The following TBCA variants were observed in gnomAD, a reference collection of about 807,000 sequenced individuals.
TBCA encodes the protein tubulin-specific chaperone A.
Under a neutral mutation model 15.8 loss-of-function variants are expected in TBCA, and 6 were observed. That is an observed-to-expected ratio of 0.38 (90% CI 0.21 to 0.75). The LOEUF is 0.75. TBCA is among the 30% of genes least tolerant of loss of function. The pLI, the probability that TBCA is intolerant of heterozygous loss-of-function variation, is 0.46. For missense variants in TBCA, 90 were observed against 131.2 expected, an observed-to-expected ratio of 0.69 and a Z score of 1.53; for synonymous variants, 32 against 42.3, an observed-to-expected ratio of 0.76 and a Z score of 0.94.
chr5:77,748,485 C>T (rs1580125533), intron 1 of TBCA, among the ~76,000 whole-genome samples: 1 of 148,384 alleles, frequency 6.7e-6, no homozygotes. Flanking sequence ...TTTAGTTTTG[C>T]TTTTTTTTTT....
Position 77,726,536 on chromosome 5 carries a change from T to C in TBCA, c.54-18189A>G, listed in dbSNP as rs555376547. 6.3e-4 allele frequency among the ~76,000 whole-genome samples: 96 copies of C among 152,232 alleles called. No individual in the cohort carries two copies. In the South Asian group the frequency reaches 0.019, roughly 29 times the overall value. The stretch of plus-strand genomic sequence containing the variant: ...AACACCCCAAACTGAAAACCTCTAT[T>C]AAAAAAATACTATTGGATGTATTTA... On this transcript the variant is annotated intron_variant, in intron 1 of 3. Transcript: ENST00000380377.
intron 1 of TBCA, chr5:77,715,218 T>C (rs899983835): frequency 2.9e-6 from 2 of 700,840 alleles, no homozygotes; most frequent in Non-Finnish European, 5.2e-6. Context: ...TGATCTACTA[T>C]GTCACCTGAG....
intron 1 of TBCA, among the ~76,000 whole-genome samples, chr5:77,734,858 T>C (rs915928261): frequency 3.3e-5 from 5 of 152,178 alleles, no homozygotes; most frequent in African/African-American, 9.7e-5. Context: ...ACCCCATCCT[T>C]CAGCAACCAC....
chr5:77,717,667 T>TAAA (rs1011254622), intron 1 of TBCA, among the ~76,000 whole-genome samples: 2 of 151,272 alleles, frequency 1.3e-5, no homozygotes, highest in Admixed American at 1.3e-4. Flanking sequence ...CCGTCTCTAG[T>TAAA]AAAAATATAA....
At chr5:77,759,674 G>T (rs1012464523) in intron 1 of TBCA, among the ~76,000 whole-genome samples, 5 of 152,192 alleles carry the variant, frequency 3.3e-5, no homozygotes, top group African/African-American at 1.2e-4. Flanking sequence ...AATGTGAGGT[G>T]TTTAGGCATC....
intron 2 of TBCA, among the ~76,000 whole-genome samples, chr5:77,701,489 G>A (rs1463424177): frequency 1.3e-5 from 2 of 151,674 alleles, no homozygotes; most frequent in Non-Finnish European, 2.9e-5. Context: ...CATTCGTGTG[G>A]AGATTCCTTA....
chr5:77,762,892 G>T (rs891830675), intron 1 of TBCA, among the ~76,000 whole-genome samples: 1 of 152,162 alleles, frequency 6.6e-6, no homozygotes, highest in African/African-American at 2.4e-5. Flanking sequence ...GTGAGTGTGG[G>T]TCTGGAGCCT....
intron 3 of TBCA, 24 bp from the exon 4 acceptor site, chr5:77,691,522 TAA>T (rs768008773): frequency 2.6e-6 from 4 of 1,561,206 alleles, no homozygotes; most frequent in Non-Finnish European, 3.5e-6. Context: ...CAATAAAAAT[TAA>T]GTTTATCCTT....
At chr5:77,753,771 T>C (rs1302558829) in intron 1 of TBCA, among the ~76,000 whole-genome samples, 1 of 152,170 alleles carries the variant, frequency 6.6e-6, no homozygotes, top group Non-Finnish European at 1.5e-5. Flanking sequence ...CATAATATTT[T>C]TTGTTTGTTT....
chr5:77,702,453 C>T (rs565194169), intron 2 of TBCA, among the ~76,000 whole-genome samples: 11 of 152,230 alleles, frequency 7.2e-5, no homozygotes, highest in South Asian at 4.1e-4. Context: ...TTCCATTCTA[C>T]GTTATGTGAC....
intron 1 of TBCA, among the ~76,000 whole-genome samples, chr5:77,713,530 TA>T (rs950009918): frequency 3.3e-5 from 5 of 152,108 alleles, no homozygotes; most frequent in African/African-American, 1.2e-4. Context: ...ATTTTCTTCC[TA>T]AAAAAATATT....
At chr5:77,694,737 A>G (rs529882093) in intron 2 of TBCA, among the ~76,000 whole-genome samples, 7 of 152,344 alleles carry the variant, frequency 4.6e-5, no homozygotes, top group Non-Finnish European at 7.4e-5. Flanking sequence ...TTTAAGTCCC[A>G]GTACCTTCTT....
chr5:77,769,013 G>A (rs1284085685), intron 1 of TBCA, among the ~76,000 whole-genome samples: 1 of 152,224 alleles, frequency 6.6e-6, no homozygotes, highest in Non-Finnish European at 1.5e-5. Flanking sequence ...ATTCAACCTG[G>A]AGAATAAAAT....
At chr5:77,699,052 A>AAG (rs1745943503) in intron 2 of TBCA, among the ~76,000 whole-genome samples, 1 of 150,610 alleles carries the variant, frequency 6.6e-6, no homozygotes, top group African/African-American at 2.4e-5. Flanking sequence ...AAAAAAAAAA[A>AAG]AAAAAAGAAA....
In TBCA at chr5:77,691,225, A is replaced by C; in HGVS notation, c.*193T>G. On this transcript the variant is annotated 3_prime_UTR_variant, in exon 4 of 4. Coordinates refer to ENST00000380377, the MANE Select transcript of TBCA (RefSeq NM_004607.3). ...AAAGGTTAATTTAAAAATTTTGTAA[A>C]GTATAAAATAAACAATTTTATTAGA... The C allele has an allele frequency of 1.8e-6, 1 of 544,568 alleles. No individual in the cohort carries two copies. Among genetic ancestry groups the C allele is most frequent in the Non-Finnish European group, 3.2e-6 (1 of 314,434 alleles). 33.7% of individuals were successfully genotyped at this position (544,568 alleles called of 1,614,324 possible).
At position 77,745,480 on chromosome 5, in the gene TBCA, TATC is replaced by T. The variant is rs900302028; in HGVS notation, c.53+30722_53+30724del. Among the ~76,000 whole-genome samples the T allele has an allele frequency of 1.1e-4, 16 of 152,348 alleles. 1 individual carries two copies. The highest frequency in any genetic ancestry group is 9.1e-4 in the Admixed American group (14 of 15,304). On this transcript the variant is annotated intron_variant, in intron 1 of 3. Coordinates refer to ENST00000380377, the MANE Select transcript of TBCA (RefSeq NM_004607.3). ...ACAAGTATCACAAATTTCACAACTT[TATC>T]ATAATATGAGGAAGACACTAGTCTG... is the stretch of plus-strand genomic sequence containing the variant.
At chr5:77,759,058 G>A (rs1207852936) in intron 1 of TBCA, among the ~76,000 whole-genome samples, 1 of 152,148 alleles carries the variant, frequency 6.6e-6, no homozygotes, top group Non-Finnish European at 1.5e-5. Context: ...GACACTCCTG[G>A]TGGGGGGGTA....
chr5:77,701,848 A>G (rs1561263945), intron 2 of TBCA, among the ~76,000 whole-genome samples: 1 of 151,262 alleles, frequency 6.6e-6, no homozygotes, highest in East Asian at 1.9e-4. Flanking sequence ...ATGGAATACT[A>G]CCTCAGCCAT....
chr5:77,695,885 C>A (rs917110579), intron 2 of TBCA, among the ~76,000 whole-genome samples: 5 of 152,072 alleles, frequency 3.3e-5, no homozygotes, highest in African/African-American at 4.8e-5. Context: ...GTTTTTAAAA[C>A]AAGTTATGGT....
Sources: allele counts gnomAD v4.1 joint callset (sites outside exome capture counted in the v4.1 genomes callset), GRCh38; gene constraint gnomAD v4.1.1; transcripts MANE v1.5; gene names NCBI Gene and HGNC (gene_info 2026-07-23, HGNC 2026-07-21).